PPOX: variants seen among roughly 807,000 people sequenced by gnomAD.
PPOX encodes the protein variegate porphyria.
PPOX carries 23 observed loss-of-function variants against 54.1 expected under a neutral mutation model. That is an observed-to-expected ratio of 0.43 (90% CI 0.31 to 0.60). The LOEUF (loss-of-function observed/expected upper bound fraction) is 0.60. Among genes scored for constraint, PPOX ranks in the 20% least tolerant of loss-of-function variants. PPOX has a pLI of 0.13. For synonymous variants in PPOX, 224 were observed against 236.1 expected (o/e 0.95, Z 0.47); for missense variants, 512 against 601.1 (o/e 0.85, Z 1.55).
At chr1:161,167,536 C>T in intron 4 of PPOX, 50 bp downstream of exon 4, 1 of 1,433,336 alleles carries the variant, frequency 7.0e-7, no homozygotes, top group East Asian at 2.3e-5. Context: ...CCTCATATGC[C>T]TTCCATTTCT....
At chr1:161,173,921 C>G (rs747356159), downstream of PPOX, 5 of 1,614,066 alleles carry the variant, frequency 3.1e-6, no homozygotes, top group Non-Finnish European at 4.2e-6. Flanking sequence ...CACACACATA[C>G]AGATTGTGGT....
At chr1:161,172,179 C>T (rs1488322985), downstream of PPOX, 1 of 1,612,158 alleles carries the variant, frequency 6.2e-7, no homozygotes, top group Non-Finnish European at 8.5e-7. Flanking sequence ...GGGTACAGAA[C>T]CCTGAGGATC....
downstream of PPOX, chr1:161,171,715 C>A: frequency 6.7e-7 from 1 of 1,493,806 alleles, no homozygotes; most frequent in South Asian, 1.3e-5. Flanking sequence ...CACCAGAGTT[C>A]AGTTCCCTCA....
chr1:161,172,317 C>T, downstream of PPOX: 1 of 1,613,914 alleles, frequency 6.2e-7, no homozygotes, highest in Non-Finnish European at 8.5e-7. Flanking sequence ...GATCTTCATC[C>T]CAGCCAGGCG....
chr1:161,172,105 T>G (rs1299850050), downstream of PPOX: 2 of 1,613,052 alleles, frequency 1.2e-6, no homozygotes, highest in South Asian at 2.2e-5. Flanking sequence ...GGTTAGAGGT[T>G]GGAGACTAAG....
At chr1:161,176,583 G>T in intron 4 of PPOX, 1 of 514,108 alleles carries the variant, frequency 1.9e-6, no homozygotes, top group East Asian at 3.4e-5. Flanking sequence ...GGACCAGCTG[G>T]AACAGAAGTG....
downstream of PPOX, chr1:161,176,160 CA>C (rs1571531106): frequency 2.6e-5 from 38 of 1,438,290 alleles, no homozygotes; most frequent in East Asian, 8.3e-4. Flanking sequence ...AAGGTGATGC[CA>C]GGGGTAAAGA....
chr1:161,177,152 G>T, downstream of PPOX: 10 of 1,394,072 alleles, frequency 7.2e-6, no homozygotes, highest in Non-Finnish European at 8.7e-6. Flanking sequence ...ACAGTCAGGG[G>T]TGGCTGGAAG....
chr1:161,167,649 C>A, intron 4 of PPOX, 163 bp downstream of exon 4: 1 of 1,040,248 alleles, frequency 9.6e-7, no homozygotes, highest in East Asian at 2.8e-5. Context: ...ACTGCAACTT[C>A]CGCCTTTCGG....
In PPOX at chr1:161,166,957, A is replaced by G. The variant is rs375800194; in HGVS notation, c.87+23A>G. The G allele has an allele frequency of 2.5e-6, 4 of 1,612,366 alleles. No individual in the cohort carries two copies. The African/African-American group carries it at 5.3e-5, about 22-fold the overall frequency. ...AAGGTGAGTGCTCCACTTGTGCCAG[A>G]GGGAGCTTCATTTAATGCTCTTCCC... On this transcript the variant is annotated intron_variant, in intron 2 of 12. Coordinates refer to ENST00000367999, the MANE Select transcript of PPOX (RefSeq NM_001122764.3).
downstream of PPOX, chr1:161,177,549 A>G (rs1319121136): frequency 6.0e-6 from 1 of 167,118 alleles, no homozygotes; most frequent in African/African-American, 2.4e-5. Context: ...GGGCGGAGCC[A>G]CCCGGGCTGA....
At chr1:161,171,368 C>G, downstream of PPOX, 2 of 989,964 alleles carry the variant, frequency 2.0e-6, no homozygotes, top group Non-Finnish European at 3.0e-6. Context: ...TGAGCCAGGA[C>G]CAGAAGAGGG....
In PPOX at chr1:161,170,995, A is replaced by AC. The variant is rs150006113; in HGVS notation, c.1292-34dup. ...GGCTGAGGAGGGCCAAGGACATCAG[A>AC]CCCCCAGCTAAAACATTCCTTTCAT... On this transcript the variant is annotated intron_variant, in intron 12 of 12. Coordinates refer to ENST00000367999, the MANE Select transcript of PPOX (RefSeq NM_001122764.3). 959 of 1,614,038 alleles carry AC rather than the reference A, an allele frequency of 5.9e-4. 5 individuals are homozygous for AC. The African/African-American group carries it at 0.011, about 19-fold the overall frequency.
chr1:161,167,970 C>A (rs1163126530), intron 4 of PPOX, 25 bp from the exon 5 acceptor site: 15 of 1,613,892 alleles, frequency 9.3e-6, no homozygotes, highest in African/African-American at 1.3e-5. Flanking sequence ...GGAGCTTCCC[C>A]CTCACTATGC....
Position 161,170,010 on chromosome 1 carries a change from C to A in PPOX, c.973C>A (p.His325Asn). ...AVVNLQYQGAHLPVQGFGHLV... is the reference protein window; with the variant it reads ...AVVNLQYQGANLPVQGFGHLV... ...GGTGAATCTGCAGTACCAAGGAGCC[C>A]ATCTGCCTGTCCAGGTATGATAAAG... is the stretch of plus-strand genomic sequence containing the variant. Residue 325 changes from histidine to asparagine, a missense_variant, in exon 9 of 13, where the codon CAT becomes AAT. His to Asn is a moderately conservative substitution (Grantham distance 68). Transcript: ENST00000367999. The A allele has an allele frequency of 6.2e-7, 1 of 1,613,628 alleles. No individual in the cohort carries two copies.
At chr1:161,169,777 A>C (rs745410567) in intron 8 of PPOX, 57 bp downstream of exon 8, 1 of 1,613,398 alleles carries the variant, frequency 6.2e-7, no homozygotes, top group Non-Finnish European at 8.5e-7. Flanking sequence ...AGCAAAAGCT[A>C]TACCTTCCTG....
At chr1:161,170,092 C>A in intron 9 of PPOX, 68 bp downstream of exon 9, 1 of 1,538,556 alleles carries the variant, frequency 6.5e-7, no homozygotes, top group East Asian at 2.4e-5. Context: ...TTTGGGAGGC[C>A]GAGGTGGGCA....
At position 161,170,500 on chromosome 1, in the gene PPOX, C is replaced by T; in HGVS notation, c.1079C>T (p.Pro360Leu). Residue 360 changes from proline to leucine, a missense_variant, in exon 10 of 13, where the codon CCC becomes CTC. By Grantham distance (98) the Pro-to-Leu change is moderately conservative (BLOSUM62 -3). Transcript: ENST00000367999. ...SVAFPEQDGSPPGLRVTVMLG... is the reference protein window; with the variant it reads ...SVAFPEQDGSLPGLRVTVMLG... Reference sequence around the variant, plus strand: ...GCTTTCCCTGAGCAGGACGGGAGCCCCCCTGGCCTCAGAGTGACTGTGAGG... The same window carrying T: ...GCTTTCCCTGAGCAGGACGGGAGCCTCCCTGGCCTCAGAGTGACTGTGAGG... The T allele has an allele frequency of 6.2e-7, 1 of 1,614,188 alleles. No individual in the cohort carries two copies. The highest frequency in any genetic ancestry group is 8.5e-7 in the Non-Finnish European group (1 of 1,180,028).
In PPOX at chr1:161,171,120, A is replaced by C; in HGVS notation, c.1378A>C (p.Ile460Leu). The stretch of plus-strand genomic sequence containing the variant: ...TGAGGGAGTTGCTGTTAATGACTGT[A>C]TAGAGAGTGGGCGCCAGGCAGCAGT... ...SYEGVAVNDCIESGRQAAVSV... is the reference protein window; with the variant it reads ...SYEGVAVNDCLESGRQAAVSV... The change falls in exon 13 of 13, where the codon ATA (isoleucine) becomes CTA (leucine). Residue 460 changes from isoleucine to leucine, a missense_variant. Coordinates refer to ENST00000367999, the MANE Select transcript of PPOX (RefSeq NM_001122764.3). The C allele has an allele frequency of 6.2e-7, 1 of 1,613,946 alleles. No individual in the cohort carries two copies. Among genetic ancestry groups the C allele is most frequent in the Non-Finnish European group, 8.5e-7 (1 of 1,180,038 alleles).
Sources: allele counts gnomAD v4.1 joint callset, GRCh38; gene constraint gnomAD v4.1.1; transcripts MANE v1.5; gene names NCBI Gene and HGNC (gene_info 2026-07-23, HGNC 2026-07-21).